The following WDPCP variants were observed in gnomAD, a reference collection of about 807,000 sequenced individuals.
The protein encoded by WDPCP is WD repeat containing planar cell polarity effector.
WDPCP carries 71 observed loss-of-function variants against 93.1 expected under a neutral mutation model. That is an observed-to-expected ratio of 0.76 (90% CI 0.63 to 0.93). WDPCP has a LOEUF of 0.93. WDPCP is among the 40% of genes least tolerant of loss of function. The pLI, the probability that WDPCP is intolerant of heterozygous loss-of-function variation, is 0.00. For missense variants in WDPCP, 844 were observed against 887.4 expected (o/e 0.95, Z 0.62); for synonymous variants, 315 against 315.0 (o/e 1.00, Z 0.00).
chr2:63,575,461 A>ATACACACTG (rs1707952988), intron 1 of WDPCP, among the ~76,000 whole-genome samples: 1 of 17,268 alleles, frequency 5.8e-5, no homozygotes, highest in African/African-American at 3.1e-4. Flanking sequence ...TATATACAGT[A>ATACACACTG]TATATGCAGT....
intron 14 of WDPCP, among the ~76,000 whole-genome samples, chr2:63,183,524 T>C (rs1674399759): frequency 1.3e-5 from 2 of 152,124 alleles, no homozygotes. Context: ...TAAAAATTTA[T>C]TGAGATTTGT....
intron 13 of WDPCP, among the ~76,000 whole-genome samples, chr2:63,294,791 G>T (rs145331066): frequency 4.3e-3 from 653 of 152,100 alleles, no homozygotes; most frequent in Middle Eastern, 0.014. Flanking sequence ...TAGCATTATT[G>T]TAACAATGGT....
intron 13 of WDPCP, among the ~76,000 whole-genome samples, chr2:63,279,806 A>G (rs1683383522): frequency 6.6e-6 from 1 of 152,208 alleles, no homozygotes; most frequent in Non-Finnish European, 1.5e-5. Context: ...GCTCTGCTAT[A>G]TACTAACAGT....
chr2:63,168,302 T>C (rs764152532), intron 15 of WDPCP, among the ~76,000 whole-genome samples: 16 of 152,076 alleles, frequency 1.1e-4, no homozygotes, highest in Admixed American at 3.9e-4. Flanking sequence ...GATTTTATGC[T>C]TTTGGGCTTG....
chr2:63,652,667 C>A (rs768350046), intron 2 of WDPCP, among the ~76,000 whole-genome samples: 1 of 152,124 alleles, frequency 6.6e-6, no homozygotes, highest in African/African-American at 2.4e-5. Context: ...AATGCAGGAA[C>A]CTGAGGATAA....
In WDPCP at chr2:63,575,344, T is replaced by C. The variant is rs1029907912; in HGVS notation, c.75+12853A>G. ...TATACACAGTATATATGGTATATAC[T>C]GTATATGGTATATACAGTATATACA... On this transcript the variant is annotated intron_variant, in intron 1 of 17. Coordinates refer to ENST00000272321, the MANE Select transcript of WDPCP (RefSeq NM_015910.7). Among the ~76,000 whole-genome samples the C allele has an allele frequency of 1.1e-4, 15 of 142,418 alleles. No individual in the cohort carries two copies. In the East Asian group the frequency reaches 2.1e-3, roughly 20 times the overall value. The allele number at this position is 142,418 out of a possible 152,430, so 93.4% of individuals were successfully genotyped here. A position where few individuals can be genotyped will look rare whatever the true frequency, so the allele number is the denominator to read the frequency against.
Position 63,238,861 on chromosome 2 carries a change from T to C in WDPCP, c.1915+20446A>G, listed in dbSNP as rs761694560. On this transcript the variant is annotated intron_variant, in intron 14 of 17. Coordinates refer to ENST00000272321, the MANE Select transcript of WDPCP (RefSeq NM_015910.7). ...CTTCAGTTATGCACTATTAAATGAT[T>C]AACAACTAGCTCTCCACAAACCAAA... Among the ~76,000 whole-genome samples, 4 of 152,136 alleles carry C rather than the reference T, an allele frequency of 2.6e-5. No homozygotes were observed. The East Asian group carries it at 7.7e-4, about 29-fold the overall frequency.
At chr2:63,818,484 A>G (rs1670971647) in intron 1 of WDPCP, among the ~76,000 whole-genome samples, 2 of 152,218 alleles carry the variant, frequency 1.3e-5, no homozygotes, top group African/African-American at 4.8e-5. Context: ...GTTAGGGGTC[A>G]CTGGGATAAT....
chr2:63,199,690 C>T (rs989114574), intron 14 of WDPCP, among the ~76,000 whole-genome samples: 2 of 152,230 alleles, frequency 1.3e-5, no homozygotes, highest in Admixed American at 1.3e-4. Flanking sequence ...GCAGGACCCT[C>T]ATGGAGAACT....
intron 3 of WDPCP, among the ~76,000 whole-genome samples, chr2:63,632,087 T>C (rs1709870620): frequency 6.6e-6 from 1 of 152,214 alleles, no homozygotes; most frequent in African/African-American, 2.4e-5. Context: ...CTGACAGAGC[T>C]GCACAGATAT....
At chr2:63,308,123 CA>C (rs781740150) in intron 13 of WDPCP, among the ~76,000 whole-genome samples, 7 of 152,140 alleles carry the variant, frequency 4.6e-5, no homozygotes, top group Non-Finnish European at 1.0e-4. Context: ...GACATTTATG[CA>C]GCAACAAACA....
chr2:63,129,079 TCATC>T (rs1213727828), intron 17 of WDPCP, among the ~76,000 whole-genome samples: 1 of 152,258 alleles, frequency 6.6e-6, no homozygotes, highest in African/African-American at 2.4e-5. Context: ...TCTGCAAAGT[TCATC>T]CATGCTGTAG....
chr2:63,605,806 C>T, intron 3 of WDPCP: 1 of 751,788 alleles, frequency 1.3e-6, no homozygotes, highest in South Asian at 1.6e-5. Flanking sequence ...GTACCTGGTG[C>T]TGATGATAGT....
intron 14 of WDPCP, among the ~76,000 whole-genome samples, chr2:63,220,664 T>C (rs923853343): frequency 6.6e-6 from 1 of 152,222 alleles, no homozygotes; most frequent in Admixed American, 6.5e-5. Flanking sequence ...CAGTGATGTA[T>C]AAATGAATGT....
chr2:63,142,238 T>C (rs975550387), intron 17 of WDPCP, among the ~76,000 whole-genome samples: 1 of 152,228 alleles, frequency 6.6e-6, no homozygotes, highest in African/African-American at 2.4e-5. Context: ...AATGTGAGTT[T>C]GTGCCCTTTC....
At chr2:63,825,097 A>C (rs1671093233) in intron 1 of WDPCP, among the ~76,000 whole-genome samples, 1 of 152,154 alleles carries the variant, frequency 6.6e-6, no homozygotes, top group Non-Finnish European at 1.5e-5. Flanking sequence ...AGAAAGGGTG[A>C]ATGACTTAGA....
chr2:63,369,527 CCAAA>C (rs1380337965), intron 12 of WDPCP: 1 of 456,336 alleles, frequency 2.2e-6, no homozygotes, highest in African/African-American at 2.0e-5. Context: ...ATAAACAATT[CCAAA>C]CAGATACCTC....
intron 2 of WDPCP, among the ~76,000 whole-genome samples, chr2:63,808,444 T>C (rs973301308): frequency 1.4e-4 from 21 of 151,312 alleles, no homozygotes; most frequent in African/African-American, 5.1e-4. Flanking sequence ...CCTCCCTGCC[T>C]GATTCTCCTG....
chr2:63,737,842 G>A (rs765169204), intron 2 of WDPCP, among the ~76,000 whole-genome samples: 5 of 152,204 alleles, frequency 3.3e-5, no homozygotes, highest in Non-Finnish European at 7.3e-5. Context: ...TTGGCAGCCT[G>A]TAGGCTGAAT....
Sources: allele counts gnomAD v4.1 joint callset (sites outside exome capture counted in the v4.1 genomes callset), GRCh38; gene constraint gnomAD v4.1.1; transcripts MANE v1.5; gene names NCBI Gene and HGNC (gene_info 2026-07-23, HGNC 2026-07-21).